TTC28: variants seen among roughly 807,000 people sequenced by gnomAD.
TTC28 encodes the protein tetratricopeptide repeat protein 28.
TTC28 carries 61 observed loss-of-function variants against 198.0 expected under a neutral mutation model. The ratio of observed to expected loss-of-function variants is 0.31; its 90% CI spans 0.25 to 0.38. The LOEUF (loss-of-function observed/expected upper bound fraction) is 0.38, where lower values mean the gene tolerates loss of function less well. Among genes scored for constraint, TTC28 ranks in the 10% least tolerant of loss-of-function variants. The pLI is 1.00. For missense variants in TTC28, 2,678 were observed against 3,164.0 expected, an observed-to-expected ratio of 0.85 and a Z score of 3.69; for synonymous variants, 1,171 against 1,297.8, an observed-to-expected ratio of 0.90 and a Z score of 2.10.
chr22:28,409,591 A>G (rs1036274540), intron 2 of TTC28, among the ~76,000 whole-genome samples: 5 of 149,936 alleles, frequency 3.3e-5, no homozygotes, highest in African/African-American at 1.2e-4. Context: ...TATAAAAAAC[A>G]TATATGGAAA....
intron 2 of TTC28, among the ~76,000 whole-genome samples, chr22:28,375,031 T>TCTA (rs1290079576): frequency 3.3e-5 from 5 of 151,812 alleles, no homozygotes; most frequent in African/African-American, 1.2e-4. Flanking sequence ...CAGGATGTAG[T>TCTA]GAGCTATGAT....
At chr22:28,255,889 T>C (rs2147285365) in intron 5 of TTC28, among the ~76,000 whole-genome samples, 1 of 152,242 alleles carries the variant, frequency 6.6e-6, no homozygotes, top group African/African-American at 2.4e-5. Context: ...TTGGATTGTT[T>C]GTTATAGTAG....
intron 12 of TTC28, among the ~76,000 whole-genome samples, chr22:28,064,466 A>G (rs894664015): frequency 2.0e-5 from 3 of 152,134 alleles, no homozygotes; most frequent in Admixed American, 2.0e-4. Flanking sequence ...AACTCTGTCC[A>G]TATCTCTGGC....
intron 2 of TTC28, among the ~76,000 whole-genome samples, chr22:28,532,195 A>G (rs1054485890): frequency 6.6e-6 from 1 of 152,188 alleles, no homozygotes; most frequent in Non-Finnish European, 1.5e-5. Flanking sequence ...GAAGAATCAA[A>G]TAGACACAAT....
intron 2 of TTC28, among the ~76,000 whole-genome samples, chr22:28,527,337 C>A (rs2049022479): frequency 6.6e-6 from 1 of 152,160 alleles, no homozygotes; most frequent in South Asian, 2.1e-4. Flanking sequence ...CCGAAATGAA[C>A]ACCACATACT....
At chr22:28,482,304 C>T (rs2048260991) in intron 2 of TTC28, among the ~76,000 whole-genome samples, 1 of 146,508 alleles carries the variant, frequency 6.8e-6, no homozygotes, top group African/African-American at 2.5e-5. Context: ...CTCCGCCTCC[C>T]GGGTTCACGC....
At chr22:28,378,277 C>G (rs1219443372) in intron 2 of TTC28, among the ~76,000 whole-genome samples, 3 of 142,472 alleles carry the variant, frequency 2.1e-5, no homozygotes, top group Non-Finnish European at 3.0e-5. Context: ...ACCTGGGAGG[C>G]GGAGGTTGCA....
At chr22:28,490,053 C>A (rs941750780) in intron 2 of TTC28, among the ~76,000 whole-genome samples, 1 of 152,124 alleles carries the variant, frequency 6.6e-6, no homozygotes. Context: ...CCAGTCTAGT[C>A]TTTTCACGTT....
chr22:28,590,990 G>A (rs1431741556), intron 2 of TTC28, among the ~76,000 whole-genome samples: 1 of 136,124 alleles, frequency 7.3e-6, no homozygotes, highest in Non-Finnish European at 1.5e-5. Context: ...TGGGCGACAA[G>A]AGAGAAACTC....
chr22:28,660,032 C>T (rs190471027), intron 1 of TTC28, among the ~76,000 whole-genome samples: 11 of 152,100 alleles, frequency 7.2e-5, no homozygotes, highest in East Asian at 3.9e-4. Context: ...TGGGCTCAGG[C>T]GATCCTCTCA....
At chr22:28,146,158 C>T (rs2147001349) in intron 6 of TTC28, among the ~76,000 whole-genome samples, 1 of 152,270 alleles carries the variant, frequency 6.6e-6, no homozygotes, top group African/African-American at 2.4e-5. Flanking sequence ...CCTAACTTGG[C>T]TTGTAGGCAA....
chr22:28,068,901 A>G (rs1330574227), intron 12 of TTC28, among the ~76,000 whole-genome samples: 6 of 152,222 alleles, frequency 3.9e-5, no homozygotes, highest in Admixed American at 1.3e-4. Flanking sequence ...CACTACAGTA[A>G]GATTATTTAA....
intron 12 of TTC28, among the ~76,000 whole-genome samples, chr22:28,074,577 C>A (rs1941105264): frequency 6.6e-6 from 1 of 152,316 alleles, no homozygotes; most frequent in East Asian, 1.9e-4. Flanking sequence ...CAGATTGGCC[C>A]CTGCCCTATG....
At chr22:28,437,849 G>C (rs915649039) in intron 2 of TTC28, among the ~76,000 whole-genome samples, 1 of 151,898 alleles carries the variant, frequency 6.6e-6, no homozygotes, top group Non-Finnish European at 1.5e-5. Flanking sequence ...GGATTAGAGG[G>C]GGAAAAAAGA....
At position 27,982,812 on chromosome 22, in the gene TTC28, GA is replaced by G; in HGVS notation, c.6854del (p.Leu2285ProfsTer4). The stretch of plus-strand genomic sequence containing the variant: ...GAGAGCTGGGGTACTTCAGTTTAAA[GA>G]GAGGCTGGTCCAGCTGGGAAGTCTG... The part of the protein sequence containing the change: ...DSQTSQLDQP[L>X]FKLKYPSSPY... On this transcript the variant is annotated frameshift_variant, in exon 23 of 23. Coordinates refer to ENST00000397906, the MANE Select transcript of TTC28 (RefSeq NM_001145418.2). LOFTEE classifies it high-confidence loss of function. The surrounding 1 kb of genome is among the most constrained non-coding windows in gnomAD (Gnocchi z 5.2). The G allele has an allele frequency of 6.5e-7, 1 of 1,542,618 alleles. No individual in the cohort carries two copies. Among genetic ancestry groups the G allele is most frequent in the Non-Finnish European group, 8.8e-7 (1 of 1,141,446 alleles).
intron 5 of TTC28, 84 bp from the exon 6 acceptor site, chr22:28,163,683 G>A: frequency 7.1e-7 from 1 of 1,414,174 alleles, no homozygotes; most frequent in Non-Finnish European, 9.3e-7. Context: ...TTTACAGGTT[G>A]CAAGATGGCC....
chr22:28,521,284 C>G (rs951690668), intron 2 of TTC28, among the ~76,000 whole-genome samples: 2 of 151,482 alleles, frequency 1.3e-5, no homozygotes, highest in East Asian at 3.9e-4. Context: ...AGTGTACACC[C>G]GCAGTCCCAG....
Position 28,001,572 on chromosome 22 carries a change from G to A in TTC28, c.4219-19C>T, listed in dbSNP as rs1379890848. On this transcript the variant is annotated intron_variant, in intron 14 of 22. Transcript: ENST00000397906. ...TCAGGCCCTATGGAGCAAGCACGGA[G>A]AGGCTGACATGGGTGGCCCAGCAGG... 6.5e-7 allele frequency: 1 copy of A among 1,543,538 alleles called. No homozygotes were observed. Among genetic ancestry groups the A allele is most frequent in the Non-Finnish European group, 8.8e-7 (1 of 1,141,450 alleles).
intron 2 of TTC28, among the ~76,000 whole-genome samples, chr22:28,539,589 T>C (rs1235639799): frequency 1.3e-5 from 2 of 151,608 alleles, no homozygotes; most frequent in Non-Finnish European, 2.9e-5. Flanking sequence ...TGAACCGTGA[T>C]TGAGCCACTG....
Sources: gnomAD v4.1 joint callset for allele counts (sites outside exome capture counted in the v4.1 genomes callset) on GRCh38, gnomAD v4.1.1 for gene constraint, Gnocchi (gnomAD v3.1) non-coding constraint, MANE v1.5 for transcripts, NCBI Gene and HGNC (gene_info 2026-07-23, HGNC 2026-07-21) for gene names.